Variants in RBBP8 observed in about 807,000 individuals in gnomAD.
RBBP8 encodes the protein RB binding protein 8, endonuclease.
In RBBP8, 88 loss-of-function variants were observed where a neutral mutation model predicts 108.3. The ratio of observed to expected loss-of-function variants is 0.81; its 90% CI spans 0.68 to 0.97. RBBP8 has a LOEUF of 0.97. Among genes scored for constraint, RBBP8 ranks in the 50% least tolerant of loss-of-function variants. The pLI is 0.00. For missense variants in RBBP8, 1,023 were observed against 1,049.0 expected (o/e 0.98, Z 0.34); for synonymous variants, 332 against 348.2 (o/e 0.95, Z 0.52).
intron 3 of RBBP8, among the ~76,000 whole-genome samples, chr18:22,949,049 C>T (rs575363412): frequency 6.6e-6 from 1 of 152,218 alleles, no homozygotes. Context: ...CCAATACATA[C>T]ATTAATACTT....
chr18:22,939,184 A>C (rs537776240), intron 2 of RBBP8, among the ~76,000 whole-genome samples: 2 of 152,232 alleles, frequency 1.3e-5, no homozygotes, highest in South Asian at 4.1e-4. Context: ...CCTGAATCTA[A>C]AGTGTAGTAT....
chr18:23,023,225 C>G (rs1421515874), intron 18 of RBBP8, among the ~76,000 whole-genome samples: 1 of 152,012 alleles, frequency 6.6e-6, no homozygotes. Context: ...AATAAATAAC[C>G]TAACAAAAAT....
At chr18:22,956,082 G>GT (rs770966824) in intron 4 of RBBP8, among the ~76,000 whole-genome samples, 19 of 151,518 alleles carry the variant, frequency 1.3e-4, no homozygotes, top group Non-Finnish European at 1.9e-4. Flanking sequence ...TGTATAGTCT[G>GT]TTTCCTTGGA....
At chr18:22,974,496 C>T (rs1375336802) in intron 5 of RBBP8, among the ~76,000 whole-genome samples, 1 of 152,178 alleles carries the variant, frequency 6.6e-6, no homozygotes, top group Non-Finnish European at 1.5e-5. Context: ...TTGAGACTCT[C>T]CGCCACCCAG....
intron 16 of RBBP8, among the ~76,000 whole-genome samples, chr18:23,012,921 G>A (rs1452658715): frequency 6.6e-6 from 1 of 152,200 alleles, no homozygotes; most frequent in African/African-American, 2.4e-5. Flanking sequence ...GTTGAAGCCA[G>A]TGCTCATTTA....
At chr18:22,968,176 G>A (rs1182429666) in intron 4 of RBBP8, among the ~76,000 whole-genome samples, 4 of 149,128 alleles carry the variant, frequency 2.7e-5, no homozygotes, top group East Asian at 2.0e-4. Context: ...GGGTTCAAGC[G>A]ATTCTTCTGC....
In RBBP8 at chr18:22,936,971, T is replaced by C; in HGVS notation, c.109+11T>C. On this transcript the variant is annotated intron_variant, in intron 2 of 18. Transcript: ENST00000327155. ...ATAGAGAAGTACAAGGTAAAATCTT[T>C]TCTTAAATACTTACAGCAGTATTTT... 1 of 1,613,736 alleles carries C rather than the reference T, an allele frequency of 6.2e-7. No individual in the cohort carries two copies. Among genetic ancestry groups the C allele is most frequent in the Non-Finnish European group, 8.5e-7 (1 of 1,179,928 alleles).
At chr18:22,963,956 A>G (rs774805582) in intron 4 of RBBP8, among the ~76,000 whole-genome samples, 2 of 152,182 alleles carry the variant, frequency 1.3e-5, no homozygotes, top group Admixed American at 1.3e-4. Context: ...AAAATTTTTG[A>G]GATTTTTACA....
chr18:23,008,125 T>A (rs2046090872), intron 16 of RBBP8, among the ~76,000 whole-genome samples: 1 of 152,184 alleles, frequency 6.6e-6, no homozygotes, highest in African/African-American at 2.4e-5. Flanking sequence ...AGCATCTTGA[T>A]TTAACCATAA....
intron 13 of RBBP8, 126 bp downstream of exon 13, chr18:22,996,588 T>C (rs2045863400): frequency 2.1e-6 from 3 of 1,450,404 alleles, no homozygotes; most frequent in Non-Finnish European, 2.7e-6. Context: ...TACATGTATT[T>C]ATGCAGAAAA....
intron 2 of RBBP8, among the ~76,000 whole-genome samples, chr18:22,937,788 A>ATTAT (rs1012550095): frequency 0.011 from 1,630 of 141,906 alleles, 29 homozygotes; most frequent in African/African-American, 0.047. Context: ...CAAAGATCTC[A>ATTAT]TTATTTATTT....
intron 16 of RBBP8, among the ~76,000 whole-genome samples, chr18:23,014,089 C>G (rs543668125): frequency 2.0e-5 from 3 of 152,148 alleles, no homozygotes; most frequent in Non-Finnish European, 4.4e-5. Context: ...ACCTCCGCCT[C>G]CCGAGTTCAA....
intron 4 of RBBP8, among the ~76,000 whole-genome samples, chr18:22,962,606 G>T (rs1270755393): frequency 6.6e-6 from 1 of 151,464 alleles, no homozygotes; most frequent in East Asian, 1.9e-4. Flanking sequence ...GCCCAAGCTG[G>T]AGTGCAGTGG....
At chr18:22,947,954 G>A (rs1328462865) in intron 3 of RBBP8, among the ~76,000 whole-genome samples, 34 of 152,070 alleles carry the variant, frequency 2.2e-4, no homozygotes, top group Admixed American at 2.2e-3. Context: ...AAATAGAACA[G>A]TAATGGAATA....
At chr18:22,950,899 G>A (rs1379638787) in intron 4 of RBBP8, among the ~76,000 whole-genome samples, 4 of 152,184 alleles carry the variant, frequency 2.6e-5, no homozygotes, top group Non-Finnish European at 4.4e-5. Flanking sequence ...ACAAGACCCT[G>A]TCTCTTAAAA....
At chr18:22,926,039 G>A (rs931895440) in intron 3 of RBBP8, among the ~76,000 whole-genome samples, 4 of 152,208 alleles carry the variant, frequency 2.6e-5, no homozygotes, top group African/African-American at 9.6e-5. Flanking sequence ...GGCTTCATAA[G>A]CTTATATGAA....
Position 22,933,426 on chromosome 18 carries a change from G to A in RBBP8, c.-237G>A, listed in dbSNP as rs536665939. 7 of 154,002 alleles carry A rather than the reference G, an allele frequency of 4.5e-5. No individual in the cohort carries two copies. The highest frequency in any genetic ancestry group is 1.0e-4 in the Non-Finnish European group (7 of 68,180). 9.5% of individuals were successfully genotyped at this position (154,002 alleles called of 1,614,324 possible). ...AAAGCGCGGGCTGTCCGGAGGGGTC[G>A]GCTTTCCCACCGAGGATTTGGCACT... On this transcript the variant is annotated 5_prime_UTR_variant, in exon 1 of 19. Coordinates refer to ENST00000327155, the MANE Select transcript of RBBP8 (RefSeq NM_002894.3).
In RBBP8 at chr18:22,921,148, T is replaced by C. The variant is rs567885513; in HGVS notation, c.-154+4122T>C. Among the ~76,000 whole-genome samples, 7 of 152,338 alleles carry C rather than the reference T, an allele frequency of 4.6e-5. No individual in the cohort carries two copies. The East Asian group carries it at 1.2e-3, about 25-fold the overall frequency. ...GTAAGAGCCTGAGACCTCTGGCTTA[T>C]GTGCGAGTTCTTTATTTGGGAAAGC... On this transcript the variant is annotated intron_variant, in intron 3 of 4. Coordinates refer to the RBBP8 transcript ENST00000577588.
chr18:22,997,540 CA>C, intron 13 of RBBP8, 79 bp from the exon 14 acceptor site: 1 of 907,792 alleles, frequency 1.1e-6, no homozygotes, highest in Non-Finnish European at 1.8e-6. Flanking sequence ...TATATTTTAC[CA>C]AAATGTTTTG....
Sources: allele counts gnomAD v4.1 joint callset (sites outside exome capture counted in the v4.1 genomes callset), GRCh38; gene constraint gnomAD v4.1.1; transcripts MANE v1.5; gene names NCBI Gene and HGNC (gene_info 2026-07-23, HGNC 2026-07-21).